The following PRTN3 variants were observed in gnomAD, a reference collection of about 807,000 sequenced individuals.
PRTN3 encodes proteinase 3, also known as myeloblastin.
In PRTN3, 22 loss-of-function variants were observed where a neutral mutation model predicts 20.7. The ratio of observed to expected loss-of-function variants is 1.06; its 90% CI spans 0.76 to 1.52. The LOEUF is 1.52. Among genes scored for constraint, PRTN3 ranks in the 40% most tolerant of loss-of-function variants. PRTN3 has a pLI of 0.00. For synonymous variants in PRTN3, 173 were observed against 152.9 expected (o/e 1.13, Z -0.97); for missense variants, 378 against 359.6 (o/e 1.05, Z -0.41).
Position 847,866 on chromosome 19 carries a change from G to A in PRTN3, c.668G>A (p.Gly223Glu), listed in dbSNP as rs771604008. ...GGAATAGACTCCTTCGTGATCTGGG[G>A]ATGTGCCACCCGCCTTTTCCCTGAC... ...IQGIDSFVIW[G>E]CATRLFPDFF... Residue 223 changes from glycine (G) to glutamate (E), a missense_variant, in exon 5 of 5, where the codon GGA (glycine) becomes GAA (glutamate). Physicochemically the swap from Gly to Glu is moderately conservative, Grantham distance 98 (BLOSUM62 -2). Coordinates refer to ENST00000234347, the MANE Select transcript of PRTN3 (RefSeq NM_002777.4). 1 of 1,608,284 alleles carries A rather than the reference G, an allele frequency of 6.2e-7. No individual in the cohort carries two copies. Among genetic ancestry groups the A allele is most frequent in the Admixed American group, 1.7e-5 (1 of 59,356 alleles).
At chr19:842,413 ATTTTTT>A (rs34047197) in intron 1 of PRTN3, among the ~76,000 whole-genome samples, 10 of 39,416 alleles carry the variant, frequency 2.5e-4, no homozygotes, top group African/African-American at 4.4e-4. Context: ...TGCGCCCAGG[ATTTTTT>A]TTTTTTTTTT....
At position 843,945 on chromosome 19, in the gene PRTN3, G is replaced by C. The variant is rs987112182; in HGVS notation, c.280G>C (p.Glu94Gln). The C allele has an allele frequency of 1.9e-6, 3 of 1,601,060 alleles. No individual in the cohort carries two copies. The highest frequency in any genetic ancestry group is 2.6e-6 in the Non-Finnish European group (3 of 1,174,762). The part of the protein sequence containing the change: ...VLGAHNVRTQ[E>Q]PTQQHFSVAQ... Reference sequence around the variant, plus strand: ...CGGAGCCCACAACGTGCGGACGCAGGAGCCCACCCAGCAGCACTTCTCGGT... The same window carrying C: ...CGGAGCCCACAACGTGCGGACGCAGCAGCCCACCCAGCAGCACTTCTCGGT... Residue 94 changes from glutamate (E) to glutamine (Q), a missense_variant, in exon 3 of 5, where the codon GAG (glutamate) becomes CAG (glutamine). Glu to Gln is a conservative substitution (Grantham distance 29). Coordinates refer to ENST00000234347, the MANE Select transcript of PRTN3 (RefSeq NM_002777.4).
At chr19:845,083 G>A (rs2035499278) in intron 3 of PRTN3, among the ~76,000 whole-genome samples, 1 of 151,734 alleles carries the variant, frequency 6.6e-6, no homozygotes, top group African/African-American at 2.4e-5. Flanking sequence ...GAGTAGCTGG[G>A]ATTACAGGCA....
intron 3 of PRTN3, among the ~76,000 whole-genome samples, chr19:844,738 T>G (rs1362782561): frequency 6.6e-6 from 1 of 150,632 alleles, no homozygotes; most frequent in Non-Finnish European, 1.5e-5. Flanking sequence ...GGGCAGAGGA[T>G]TTTTGTCTGT....
chr19:848,005 C>G lies in PRTN3; in HGVS notation c.*36C>G. On this transcript the variant is annotated 3_prime_UTR_variant, in exon 5 of 5. Coordinates refer to ENST00000234347, the MANE Select transcript of PRTN3 (RefSeq NM_002777.4). ...CCACAGCGCTGGCCGGGACCCCGAG[C>G]CTGGCTCCAAACCCTCGAGGCGGAT... The G allele has an allele frequency of 1.3e-6, 2 of 1,568,500 alleles. No individual in the cohort carries two copies. Among genetic ancestry groups the G allele is most frequent in the Non-Finnish European group, 1.7e-6 (2 of 1,158,876 alleles).
At position 847,994 on chromosome 19, in the gene PRTN3, G is replaced by A. The variant is rs377081507; in HGVS notation, c.*25G>A. ...AACCGCCCCTCCCACAGCGCTGGCC[G>A]GGACCCCGAGCCTGGCTCCAAACCC... On this transcript the variant is annotated 3_prime_UTR_variant, in exon 5 of 5. Coordinates refer to ENST00000234347, the MANE Select transcript of PRTN3 (RefSeq NM_002777.4). 44 of 1,576,942 alleles carry A rather than the reference G, an allele frequency of 2.8e-5. No homozygotes were observed. The East Asian group carries it at 3.9e-4, about 14-fold the overall frequency.
Position 848,096 on chromosome 19 carries a change from C to A in PRTN3, c.*127C>A. ...CGGGACGGCCCCACCCGTCCCCCCA[C>A]ACTCCCTCCCACGGGGCTCCGGGAG... On this transcript the variant is annotated 3_prime_UTR_variant, in exon 5 of 5. Transcript: ENST00000234347. 1.7e-6 allele frequency: 2 copies of A among 1,191,004 alleles called. No individual in the cohort carries two copies. The highest frequency in any genetic ancestry group is 2.3e-6 in the Non-Finnish European group (2 of 868,890). 73.8% of individuals were successfully genotyped at this position (1,191,004 alleles called of 1,614,324 possible).
intron 3 of PRTN3, 110 bp downstream of exon 3, chr19:844,144 C>A: frequency 7.2e-7 from 1 of 1,386,530 alleles, no homozygotes; most frequent in South Asian, 1.4e-5. Flanking sequence ...GGGCCACGAC[C>A]GAGGCCGCTG....
chr19:842,027 C>CT (rs919331270), intron 1 of PRTN3, among the ~76,000 whole-genome samples: 6 of 111,536 alleles, frequency 5.4e-5, no homozygotes, highest in Admixed American at 1.0e-4. Flanking sequence ...GCGCCTGGCC[C>CT]TTTTTTTTTC....
At chr19:841,751 G>A (rs1251158343) in intron 1 of PRTN3, among the ~76,000 whole-genome samples, 1 of 125,676 alleles carries the variant, frequency 8.0e-6, no homozygotes, top group Non-Finnish European at 1.7e-5. Flanking sequence ...TTTTTGAGAC[G>A]GAGTCTCGCC....
At chr19:842,413 ATTTTTTTTT>A (rs34047197) in intron 1 of PRTN3, among the ~76,000 whole-genome samples, 1 of 39,418 alleles carries the variant, frequency 2.5e-5, no homozygotes, top group Non-Finnish European at 4.0e-5. Flanking sequence ...TGCGCCCAGG[ATTTTTTTTT>A]TTTTTTTTTT....
At position 847,986 on chromosome 19, in the gene PRTN3, C is replaced by T. The variant is rs1450690648; in HGVS notation, c.*17C>T. On this transcript the variant is annotated 3_prime_UTR_variant, in exon 5 of 5. Coordinates refer to ENST00000234347, the MANE Select transcript of PRTN3 (RefSeq NM_002777.4). The stretch of plus-strand genomic sequence containing the variant: ...CGCCCCTGAACCGCCCCTCCCACAG[C>T]GCTGGCCGGGACCCCGAGCCTGGCT... 1.9e-6 allele frequency: 3 copies of T among 1,585,910 alleles called. No individual in the cohort carries two copies. Among genetic ancestry groups the T allele is most frequent in the Non-Finnish European group, 1.7e-6 (2 of 1,167,280 alleles).
In PRTN3 at chr19:844,016, C is replaced by A. The variant is rs1327533933; in HGVS notation, c.351C>A (p.Asn117Lys). ...ACTACGACGCGGAGAACAAACTGAACGACGTTCTCCTCATCCAGGTGGGCG... is the reference window on the plus strand; with the variant it reads ...ACTACGACGCGGAGAACAAACTGAAAGACGTTCTCCTCATCCAGGTGGGCG... Reference protein sequence around the residue: ...LNNYDAENKLNDVLLIQLSSP... With the variant: ...LNNYDAENKLKDVLLIQLSSP... The change falls in exon 3 of 5, where the codon AAC (asparagine) becomes AAA (lysine). Residue 117 changes from asparagine to lysine, a missense_variant. Coordinates refer to ENST00000234347, the MANE Select transcript of PRTN3 (RefSeq NM_002777.4). The A allele has an allele frequency of 6.2e-7, 1 of 1,606,480 alleles. No homozygotes were observed. Among genetic ancestry groups the A allele is most frequent in the Admixed American group, 1.7e-5 (1 of 59,142 alleles).
In PRTN3 at chr19:847,861, C is replaced by A; in HGVS notation, c.663C>A (p.Ile221=). The A allele has an allele frequency of 6.2e-7, 1 of 1,608,486 alleles. No individual in the cohort carries two copies. The highest frequency in any genetic ancestry group is 1.1e-5 in the South Asian group (1 of 89,928). The part of the protein sequence containing the change: ...GIIQGIDSFV[I]WGCATRLFPD... The stretch of plus-strand genomic sequence containing the variant: ...TCCAAGGAATAGACTCCTTCGTGAT[C>A]TGGGGATGTGCCACCCGCCTTTTCC... Residue 221 remains isoleucine (I), a synonymous_variant, in exon 5 of 5, where the codon ATC becomes ATA. Coordinates refer to ENST00000234347, the MANE Select transcript of PRTN3 (RefSeq NM_002777.4).
At chr19:844,333 GCC>G (rs1379210820) in intron 3 of PRTN3, among the ~76,000 whole-genome samples, 27 of 84,340 alleles carry the variant, frequency 3.2e-4, no homozygotes, top group African/African-American at 1.5e-3. Context: ...CCTCTCCCTT[GCC>G]CGCCCCTCTC....
chr19:842,586 A>ATTTTTTTTTTTTTTTTTTT (rs71174326), intron 1 of PRTN3, among the ~76,000 whole-genome samples: 1 of 65,476 alleles, frequency 1.5e-5, no homozygotes, highest in Non-Finnish European at 2.7e-5. Flanking sequence ...CACCTGGCTA[A>ATTTTTTTTTTTTTTTTTTT]TTTTTTTTTT....
In PRTN3 at chr19:848,018, C is replaced by G. The variant is rs1173283539; in HGVS notation, c.*49C>G. ...CGGGACCCCGAGCCTGGCTCCAAACCCTCGAGGCGGATCTTTGGACAGAAG... is the reference window on the plus strand; with the variant it reads ...CGGGACCCCGAGCCTGGCTCCAAACGCTCGAGGCGGATCTTTGGACAGAAG... On this transcript the variant is annotated 3_prime_UTR_variant, in exon 5 of 5. Transcript: ENST00000234347. 6.5e-7 allele frequency: 1 copy of G among 1,547,470 alleles called. No homozygotes were observed. The highest frequency in any genetic ancestry group is 1.9e-5 in the Admixed American group (1 of 52,754).
chr19:846,030 G>T (rs2035511239), intron 3 of PRTN3, 117 bp from the exon 4 acceptor site: 4 of 636,610 alleles, frequency 6.3e-6, no homozygotes, highest in Non-Finnish European at 1.0e-5. Context: ...CCAGGCGGAG[G>T]GAGCGGCATC....
rs34047197 is a variant in PRTN3 at position 842,413 on chromosome 19, ATTTTT to A, written c.62-1028_62-1024del. On this transcript the variant is annotated intron_variant, in intron 1 of 4. Coordinates refer to ENST00000234347, the MANE Select transcript of PRTN3 (RefSeq NM_002777.4). ...TCAGGCATGAGCCACTGCGCCCAGGATTTTTTTTTTTTTTTTTTTTTTTTGAGACA... is the reference window on the plus strand; with the variant it reads ...TCAGGCATGAGCCACTGCGCCCAGGATTTTTTTTTTTTTTTTTTTGAGACA... Among the ~76,000 whole-genome samples the A allele has an allele frequency of 1.3e-3, 52 of 39,418 alleles. No homozygotes were observed. The East Asian group carries it at 0.029, about 22-fold the overall frequency. The allele number at this position is 39,418 out of a possible 152,430, so 25.9% of individuals were successfully genotyped here. A position where few individuals can be genotyped will look rare whatever the true frequency, so the allele number is the denominator to read the frequency against.
Sources: allele counts gnomAD v4.1 joint callset (sites outside exome capture counted in the v4.1 genomes callset), GRCh38; gene constraint gnomAD v4.1.1; transcripts MANE v1.5; gene names NCBI Gene and HGNC (gene_info 2026-07-23, HGNC 2026-07-21).